The following PSD3 variants were observed in gnomAD, a reference collection of about 807,000 sequenced individuals.
The protein encoded by PSD3 is PH and SEC7 domain-containing protein 3.
A neutral mutation model predicts 105.5 loss-of-function variants in PSD3; 49 were observed. The ratio of observed to expected loss-of-function variants is 0.46; its 90% CI spans 0.37 to 0.59. The LOEUF (loss-of-function observed/expected upper bound fraction) is 0.59. Among genes scored for constraint, PSD3 ranks in the 20% least tolerant of loss-of-function variants. The pLI is 0.00. For missense variants in PSD3, 1,561 were observed against 1,263.8 expected (o/e 1.24, Z -3.57); for synonymous variants, 557 against 457.8 (o/e 1.22, Z -2.77).
chr8:18,906,454 G>A (rs773956591), intron 2 of PSD3, among the ~76,000 whole-genome samples: 2 of 152,194 alleles, frequency 1.3e-5, no homozygotes, highest in South Asian at 2.1e-4. Flanking sequence ...AGGAGCAAAC[G>A]GGTGAGGGGA....
chr8:18,829,685 G>A (rs1300559692), intron 4 of PSD3, among the ~76,000 whole-genome samples: 2 of 152,110 alleles, frequency 1.3e-5, no homozygotes, highest in African/African-American at 4.8e-5. Context: ...GAAGCCTGCG[G>A]AAACCCTCGA....
intron 4 of PSD3, among the ~76,000 whole-genome samples, chr8:18,828,827 C>T (rs192598203): frequency 1.3e-5 from 2 of 149,750 alleles, no homozygotes; most frequent in Admixed American, 1.3e-4. Context: ...AATTGGGCAT[C>T]GGGGCACATA....
chr8:18,897,321 T>C (rs1324207464), intron 2 of PSD3, among the ~76,000 whole-genome samples: 2 of 152,182 alleles, frequency 1.3e-5, no homozygotes, highest in African/African-American at 2.4e-5. Flanking sequence ...GAGTCGGCTA[T>C]AAAGATGAGA....
At chr8:18,570,693 A>T (rs1054714558) in intron 14 of PSD3, among the ~76,000 whole-genome samples, 4 of 151,142 alleles carry the variant, frequency 2.6e-5, no homozygotes, top group Non-Finnish European at 5.9e-5. Context: ...AAAAGAAGAC[A>T]TTTATGCAGC....
intron 14 of PSD3, among the ~76,000 whole-genome samples, chr8:18,561,507 T>C (rs570333620): frequency 2.2e-3 from 339 of 152,114 alleles, no homozygotes; most frequent in African/African-American, 7.9e-3. Context: ...GGATGAAAAA[T>C]ATCAGACAAG....
At chr8:18,731,001 T>C (rs1057495928) in intron 9 of PSD3, among the ~76,000 whole-genome samples, 1 of 152,102 alleles carries the variant, frequency 6.6e-6, no homozygotes, top group Admixed American at 6.6e-5. Flanking sequence ...GTCATTCCAA[T>C]CTGTCCTCTC....
rs546825945 is a variant in PSD3, at chr8:18,787,807, C to T, written c.2082+11488G>A. 6.6e-5 allele frequency among the ~76,000 whole-genome samples: 10 copies of T among 152,234 alleles called. No homozygotes were observed. In the South Asian group the frequency reaches 1.9e-3, roughly 28 times the overall value. On this transcript the variant is annotated intron_variant, in intron 8 of 15. Transcript: ENST00000327040. ...TTTATCATTTCTGGAAGAACTTATC[C>T]TCAATATGTTTAATACATTCCCATA...
chr8:18,695,831 TTG>T (rs1314668861), intron 9 of PSD3, among the ~76,000 whole-genome samples: 1 of 152,188 alleles, frequency 6.6e-6, no homozygotes, highest in Admixed American at 6.5e-5. Flanking sequence ...TTAAAAAATG[TTG>T]TCTGTAACAA....
intron 9 of PSD3, among the ~76,000 whole-genome samples, chr8:18,666,200 G>A (rs562086827): frequency 6.6e-6 from 1 of 152,274 alleles, no homozygotes; most frequent in South Asian, 2.1e-4. Context: ...ATAGGGGCAC[G>A]CCACTGTGTC....
chr8:18,945,690 A>G (rs1236849226), intron 1 of PSD3, among the ~76,000 whole-genome samples: 1 of 152,188 alleles, frequency 6.6e-6, no homozygotes, highest in Non-Finnish European at 1.5e-5. Context: ...AAAAACCATA[A>G]GTCAGCTGGG....
At chr8:18,829,259 C>T (rs558746360) in intron 4 of PSD3, among the ~76,000 whole-genome samples, 1 of 152,036 alleles carries the variant, frequency 6.6e-6, no homozygotes, top group South Asian at 2.1e-4. Context: ...TTTTAAAAAA[C>T]GGGCAAATTA....
intron 4 of PSD3, among the ~76,000 whole-genome samples, chr8:18,848,698 C>A (rs1815317831): frequency 6.6e-6 from 1 of 152,074 alleles, no homozygotes. Context: ...TGTTTTTCTC[C>A]TTTAAAGAAA....
intron 9 of PSD3, among the ~76,000 whole-genome samples, chr8:18,681,744 T>C (rs6988943): frequency 1.3e-4 from 20 of 151,892 alleles, no homozygotes; most frequent in African/African-American, 4.6e-4. Flanking sequence ...GAATATTCTA[T>C]TCTACTGATT....
At chr8:18,543,777 A>G (rs1800284941) in intron 15 of PSD3, among the ~76,000 whole-genome samples, 1 of 152,212 alleles carries the variant, frequency 6.6e-6, no homozygotes, top group African/African-American at 2.4e-5. Context: ...TGTGTTTTGA[A>G]AAAAATTACA....
chr8:18,785,642 TTTA>T (rs1177668579), intron 8 of PSD3, among the ~76,000 whole-genome samples: 2 of 152,326 alleles, frequency 1.3e-5, no homozygotes, highest in Admixed American at 1.3e-4. Context: ...ACATTACAAC[TTTA>T]TTAACTGTCT....
Position 19,000,672 on chromosome 8 carries a change from CCT to C in PSD3, c.21+12889_21+12890del, listed in dbSNP as rs1365541543. The C allele has an allele frequency of 1.4e-4, 21 of 151,946 alleles. 1 individual carries two copies. The highest frequency in any genetic ancestry group is 4.1e-4 in the African/African-American group (17 of 41,406). 9.4% of individuals were successfully genotyped at this position (151,946 alleles called of 1,614,324 possible). ...GCAGCCCAGGGAATGGGGAAAATTC[CCT>C]GTCTCCAAAACAGGAGATGAAGCCA... On this transcript the variant is annotated intron_variant, in intron 1 of 15. Coordinates refer to ENST00000327040, the MANE Select transcript of PSD3 (RefSeq NM_015310.4).
At chr8:18,688,044 C>T (rs1439566118) in intron 9 of PSD3, among the ~76,000 whole-genome samples, 2 of 151,968 alleles carry the variant, frequency 1.3e-5, no homozygotes, top group Non-Finnish European at 2.9e-5. Context: ...GCTGGGATTA[C>T]AGATGTGAGC....
chr8:18,802,899 T>C (rs1174212455), intron 6 of PSD3, among the ~76,000 whole-genome samples: 1 of 152,206 alleles, frequency 6.6e-6, no homozygotes, highest in Non-Finnish European at 1.5e-5. Context: ...AAAAAGTGGA[T>C]ATTGTTGCAA....
chr8:19,044,913 G>A (rs1586662297), intron 1 of PSD3, among the ~76,000 whole-genome samples: 1 of 152,310 alleles, frequency 6.6e-6, no homozygotes, highest in Middle Eastern at 3.4e-3. Flanking sequence ...GGCTGGGCAT[G>A]GCGGATCATG....
Sources: allele counts gnomAD v4.1 joint callset (sites outside exome capture counted in the v4.1 genomes callset), GRCh38; gene constraint gnomAD v4.1.1; transcripts MANE v1.5; gene names NCBI Gene and HGNC (gene_info 2026-07-23, HGNC 2026-07-21).